Variants in CMIP observed in about 807,000 individuals in gnomAD.
CMIP encodes c-Maf inducing protein, also known as C-Maf-inducing protein.
Under a neutral mutation model 97.3 loss-of-function variants are expected in CMIP, and 13 were observed. The ratio of observed to expected loss-of-function variants is 0.13; its 90% CI spans 0.09 to 0.21. The LOEUF (loss-of-function observed/expected upper bound fraction) is 0.21. CMIP is among the 10% of genes least tolerant of loss of function. The pLI is 1.00. For missense variants in CMIP, 847 were observed against 1,024.9 expected, an observed-to-expected ratio of 0.83 and a Z score of 2.37; for synonymous variants, 538 against 436.3, an observed-to-expected ratio of 1.23 and a Z score of -2.91.
intron 3 of CMIP, among the ~76,000 whole-genome samples, chr16:81,639,461 A>T (rs1203864396): frequency 6.6e-6 from 1 of 152,110 alleles, no homozygotes; most frequent in African/African-American, 2.4e-5. Context: ...GTCTCTAAGA[A>T]TTTGTCTACT....
chr16:81,562,370 T>G (rs1211237934), intron 1 of CMIP, among the ~76,000 whole-genome samples: 1 of 152,232 alleles, frequency 6.6e-6, no homozygotes, highest in Non-Finnish European at 1.5e-5. Flanking sequence ...GGGGCCCTGT[T>G]TACAAGGAAT....
intron 7 of CMIP, among the ~76,000 whole-genome samples, chr16:81,668,274 GGTGGCCAGACAC>G (rs1263990988): frequency 4.6e-5 from 7 of 152,104 alleles, no homozygotes; most frequent in Non-Finnish European, 1.5e-5. Context: ...GCCGCTCCTG[GGTGGCCAGACAC>G]AGCCCGAGGG....
chr16:81,495,082 G>A (rs1462290096), intron 1 of CMIP, among the ~76,000 whole-genome samples: 1 of 152,208 alleles, frequency 6.6e-6, no homozygotes, highest in Non-Finnish European at 1.5e-5. Context: ...ACCTCTCTGA[G>A]CTTCAGTTTT....
intron 1 of CMIP, among the ~76,000 whole-genome samples, chr16:81,542,473 C>G (rs2090466751): frequency 1.3e-5 from 2 of 152,108 alleles, no homozygotes; most frequent in African/African-American, 4.8e-5. Context: ...GTGAAACTGG[C>G]CTGCATCTGG....
chr16:81,633,796 T>G (rs1296570071), intron 3 of CMIP, among the ~76,000 whole-genome samples: 1 of 152,232 alleles, frequency 6.6e-6, no homozygotes, highest in Non-Finnish European at 1.5e-5. Flanking sequence ...AAAACTGGGC[T>G]GAACCTGACC....
At chr16:81,700,326 C>A (rs1907253675) in intron 15 of CMIP, among the ~76,000 whole-genome samples, 1 of 152,094 alleles carries the variant, frequency 6.6e-6, no homozygotes, top group Admixed American at 6.6e-5. Flanking sequence ...ACACCCAGCC[C>A]CACAGGTCAC....
chr16:81,539,466 G>A (rs931618914), intron 1 of CMIP, among the ~76,000 whole-genome samples: 2 of 152,120 alleles, frequency 1.3e-5, no homozygotes, highest in African/African-American at 4.8e-5. Context: ...TTTTCTGCTG[G>A]GAGTGAGAGA....
intron 1 of CMIP, among the ~76,000 whole-genome samples, chr16:81,517,419 C>G (rs1298841230): frequency 6.6e-6 from 1 of 152,214 alleles, no homozygotes; most frequent in Non-Finnish European, 1.5e-5. Context: ...ATATCCAAGA[C>G]ATGTTATTGT....
intron 1 of CMIP, among the ~76,000 whole-genome samples, chr16:81,597,595 G>GT (rs202125037): frequency 1.0e-5 from 1 of 97,762 alleles, no homozygotes; most frequent in South Asian, 3.2e-4. Flanking sequence ...GAGGGGAGCG[G>GT]GGGGGGGGGA....
chr16:81,453,085 C>T lies in CMIP; in HGVS notation c.300+7544C>T, dbSNP rs1031027680. The stretch of plus-strand genomic sequence containing the variant: ...TGCTCTGATTCACCTCTGGTTTTGC[C>T]AGCGAGGAAGGGGTGAGGGGAAGTG... On this transcript the variant is annotated intron_variant, in intron 1 of 20. Coordinates refer to ENST00000537098, the MANE Select transcript of CMIP (RefSeq NM_198390.3). This position sits in a 1 kb window ranked among gnomAD's most constrained non-coding sequence, Gnocchi z 4.0. Among the ~76,000 whole-genome samples the T allele has an allele frequency of 6.6e-6, 1 of 152,012 alleles. No individual in the cohort carries two copies. The highest frequency in any genetic ancestry group is 1.5e-5 in the Non-Finnish European group (1 of 68,000).
chr16:81,516,634 G>C (rs892361100), intron 1 of CMIP, among the ~76,000 whole-genome samples: 6 of 152,200 alleles, frequency 3.9e-5, no homozygotes, highest in African/African-American at 1.4e-4. Flanking sequence ...GCACTTGTGC[G>C]TCACTGCTGG....
intron 1 of CMIP, among the ~76,000 whole-genome samples, chr16:81,537,144 T>TC (rs1324647788): frequency 6.6e-6 from 1 of 151,942 alleles, no homozygotes; most frequent in Admixed American, 6.6e-5. Flanking sequence ...CAGAGCAGGG[T>TC]CCCCCCTGCT....
chr16:81,506,288 G>T (rs557929008), intron 1 of CMIP, among the ~76,000 whole-genome samples: 1 of 152,306 alleles, frequency 6.6e-6, no homozygotes, highest in East Asian at 1.9e-4. Flanking sequence ...AGTACTTACT[G>T]ATTTGGGGTC....
chr16:81,578,463 G>T (rs1406485893), intron 1 of CMIP, among the ~76,000 whole-genome samples: 1 of 152,216 alleles, frequency 6.6e-6, no homozygotes, highest in African/African-American at 2.4e-5. Flanking sequence ...ACCTGAGCAA[G>T]GGGAAGAACA....
chr16:81,686,333 T>A (rs1169067432), intron 10 of CMIP, among the ~76,000 whole-genome samples: 25 of 152,176 alleles, frequency 1.6e-4, no homozygotes, highest in Non-Finnish European at 2.9e-5. Context: ...GGGGTCTCCA[T>A]GTCCTGACAT....
chr16:81,708,003 C>A (rs896488070), intron 20 of CMIP, among the ~76,000 whole-genome samples: 1 of 152,286 alleles, frequency 6.6e-6, no homozygotes, highest in African/African-American at 2.4e-5. Context: ...ACTGGGGCAT[C>A]CTCCAGATGC....
At chr16:81,679,345 A>G (rs1218558157) in intron 10 of CMIP, among the ~76,000 whole-genome samples, 1 of 152,040 alleles carries the variant, frequency 6.6e-6, no homozygotes, top group African/African-American at 2.4e-5. Context: ...CTGTGGCTGC[A>G]TGCATGTGGG....
chr16:81,608,532 G>T (rs190638423), intron 2 of CMIP, among the ~76,000 whole-genome samples: 1 of 152,102 alleles, frequency 6.6e-6, no homozygotes, highest in African/African-American at 2.4e-5. Flanking sequence ...GGAAGATCCT[G>T]ATTGGCTCTG....
chr16:81,565,351 A>C (rs906044930), intron 1 of CMIP, among the ~76,000 whole-genome samples: 1 of 151,960 alleles, frequency 6.6e-6, no homozygotes, highest in Admixed American at 6.6e-5. Flanking sequence ...CAGCAGCCCA[A>C]CTCCAGGAGT....
Sources: gnomAD v4.1 joint callset for allele counts (sites outside exome capture counted in the v4.1 genomes callset) on GRCh38, gnomAD v4.1.1 for gene constraint, Gnocchi (gnomAD v3.1) non-coding constraint, MANE v1.5 for transcripts, NCBI Gene and HGNC (gene_info 2026-07-23, HGNC 2026-07-21) for gene names.